Variants in EGFR observed in about 807,000 individuals in gnomAD.
EGFR encodes epidermal growth factor receptor.
Under a neutral mutation model 143.0 loss-of-function variants are expected in EGFR, and 58 were observed. The observed-to-expected ratio is 0.41, with a 90% confidence interval of 0.33 to 0.50. EGFR has a LOEUF of 0.50. Ranked by LOEUF, EGFR falls within the 20% of genes least tolerant of loss-of-function variation. The probability of loss-of-function intolerance (pLI) is 0.39; values close to 1 mark genes in which losing one functional copy is unlikely to be tolerated. For missense variants in EGFR, 1,307 were observed against 1,579.0 expected (o/e 0.83, Z 2.92); for synonymous variants, 613 against 594.4 (o/e 1.03, Z -0.45).
intron 20 of EGFR, among the ~76,000 whole-genome samples, chr7:55,186,171 A>G (rs567255807): frequency 2.6e-4 from 39 of 152,380 alleles, no homozygotes; most frequent in African/African-American, 9.4e-4. Context: ...GTCATAGCAC[A>G]CAAGCAGGAC....
In EGFR at chr7:55,144,572, C is replaced by A. The variant is rs1381778799; in HGVS notation, c.424+1084C>A. On this transcript the variant is annotated intron_variant, in intron 3 of 27. Transcript: ENST00000275493. The stretch of plus-strand genomic sequence containing the variant: ...CCAACAGGGGTGCAGCGCTGGAACC[C>A]AAGCCAGCACCTCTGGTCATGGCTC... Among the ~76,000 whole-genome samples the A allele has an allele frequency of 3.9e-5, 6 of 152,314 alleles. No homozygotes were observed. In the South Asian group the frequency reaches 1.2e-3, roughly 32 times the overall value.
intron 15 of EGFR, chr7:55,170,252 C>G: frequency 5.6e-6 from 9 of 1,613,370 alleles, no homozygotes; most frequent in South Asian, 4.4e-5. Context: ...TAGTGTTACA[C>G]CAGGGCTCCC....
chr7:55,095,701 A>G (rs1234065662), intron 1 of EGFR, among the ~76,000 whole-genome samples: 2 of 142,054 alleles, frequency 1.4e-5, no homozygotes, highest in African/African-American at 5.3e-5. Flanking sequence ...ACACGCACAC[A>G]GCACACAGAG....
chr7:55,068,254 C>G (rs1183481928), intron 1 of EGFR, among the ~76,000 whole-genome samples: 1 of 152,208 alleles, frequency 6.6e-6, no homozygotes, highest in Non-Finnish European at 1.5e-5. Context: ...TCAATCCTCA[C>G]CATCCTTCTA....
At chr7:55,162,933 G>A (rs957046294) in intron 13 of EGFR, among the ~76,000 whole-genome samples, 23 of 152,212 alleles carry the variant, frequency 1.5e-4, no homozygotes, top group Admixed American at 4.6e-4. Context: ...TGGAATTACA[G>A]GTGTGCACCA....
intron 1 of EGFR, among the ~76,000 whole-genome samples, chr7:55,090,352 G>C (rs1311362172): frequency 1.3e-5 from 2 of 152,114 alleles, no homozygotes; most frequent in Non-Finnish European, 2.9e-5. Flanking sequence ...TGATGAAAAA[G>C]CTGGCAGTAC....
Position 55,105,700 on chromosome 7 carries a change from C to T in EGFR, c.89-36586C>T, listed in dbSNP as rs933703335. ...GTTTGACAACATCCAGGGTGAATCA[C>T]AAAACATCAGTCTAATCAGGGCTTA... On this transcript the variant is annotated intron_variant, in intron 1 of 27. Transcript: ENST00000275493. 5.9e-5 allele frequency among the ~76,000 whole-genome samples: 9 copies of T among 152,246 alleles called. No homozygotes were observed. In the South Asian group the frequency reaches 1.0e-3, roughly 18 times the overall value.
At chr7:55,156,947 G>T in intron 10 of EGFR, 115 bp downstream of exon 10, 2 of 1,558,220 alleles carry the variant, frequency 1.3e-6, no homozygotes, top group Non-Finnish European at 1.7e-6. Flanking sequence ...AAATTTTACC[G>T]TTAATGGCTG....
rs372138408 is a variant in EGFR at position 55,158,439 on chromosome 7, A to G, written c.1298+686A>G. Among the ~76,000 whole-genome samples the G allele has an allele frequency of 4.6e-5, 7 of 152,314 alleles. No homozygotes were observed. The South Asian group carries it at 1.5e-3, about 32-fold the overall frequency. On this transcript the variant is annotated intron_variant, in intron 11 of 27. Coordinates refer to ENST00000275493, the MANE Select transcript of EGFR (RefSeq NM_005228.5). ...ATAATACTGTGCAACATTAAAGAGA[A>G]TAAGAGTGCGTGAAATATGCATTGC...
At chr7:55,030,620 T>C (rs932671500) in intron 1 of EGFR, among the ~76,000 whole-genome samples, 5 of 152,234 alleles carry the variant, frequency 3.3e-5, no homozygotes, top group African/African-American at 4.8e-5. Context: ...CAGTTAGCAA[T>C]GCCTATGGCA....
chr7:55,090,672 C>G lies in EGFR; in HGVS notation c.89-51614C>G, dbSNP rs150596129. 1.2e-4 allele frequency among the ~76,000 whole-genome samples: 19 copies of G among 152,248 alleles called. No individual in the cohort carries two copies. In the East Asian group the frequency reaches 3.7e-3, roughly 29 times the overall value. On this transcript the variant is annotated intron_variant, in intron 1 of 27. Transcript: ENST00000275493. ...TGAAAATCAGAGCTCAGACATACAGCCTGAGATGCCAAAAAATGGCCAGGC... is the reference window on the plus strand; with the variant it reads ...TGAAAATCAGAGCTCAGACATACAGGCTGAGATGCCAAAAAATGGCCAGGC...
intron 1 of EGFR, among the ~76,000 whole-genome samples, chr7:55,026,235 A>G (rs1311825112): frequency 6.6e-6 from 1 of 152,134 alleles, no homozygotes; most frequent in Non-Finnish European, 1.5e-5. Flanking sequence ...CCCATTTCTT[A>G]CTCATCTCAT....
At position 55,087,279 on chromosome 7, in the gene EGFR, AAAAAC is replaced by A. The variant is rs921976859; in HGVS notation, c.89-55002_89-54998del. 3.3e-4 allele frequency among the ~76,000 whole-genome samples: 45 copies of A among 138,436 alleles called. 2 individuals carry two copies. Among genetic ancestry groups the A allele is most frequent in the African/African-American group, 1.2e-3 (41 of 35,388 alleles). 90.8% of individuals were successfully genotyped at this position (138,436 alleles called of 152,430 possible). On this transcript the variant is annotated intron_variant, in intron 1 of 27. Coordinates refer to ENST00000275493, the MANE Select transcript of EGFR (RefSeq NM_005228.5). ...TAAGTAGTTTCTCAATTGTTAAAAA[AAAAAC>A]AAAAAAAAAAAAACCTGTACTCTGA...
chr7:55,173,857 G>A (rs1786468438), intron 17 of EGFR, 64 bp from the exon 18 acceptor site: 3 of 1,613,630 alleles, frequency 1.9e-6, no homozygotes, highest in Non-Finnish European at 1.7e-6. Flanking sequence ...GCCATGTCTG[G>A]CACTGCTTTC....
intron 13 of EGFR, among the ~76,000 whole-genome samples, 165 bp downstream of exon 13, chr7:55,161,796 T>C (rs1785719521): frequency 6.6e-6 from 1 of 152,246 alleles, no homozygotes; most frequent in African/African-American, 2.4e-5. Flanking sequence ...GTTGTTTGAT[T>C]GCGTTATTTT....
chr7:55,157,375 G>A (rs1785476967), intron 10 of EGFR, among the ~76,000 whole-genome samples: 1 of 152,234 alleles, frequency 6.6e-6, no homozygotes, highest in African/African-American at 2.4e-5. Flanking sequence ...GCCTCTTCGG[G>A]GTAATCAGAT....
chr7:55,067,862 C>CTG (rs1039423087), intron 1 of EGFR, among the ~76,000 whole-genome samples: 1 of 149,982 alleles, frequency 6.7e-6, no homozygotes, highest in Non-Finnish European at 1.5e-5. Context: ...CTGTGTGTGT[C>CTG]TGTGTGTCTC....
intron 1 of EGFR, among the ~76,000 whole-genome samples, chr7:55,124,334 C>A (rs996346007): frequency 3.3e-5 from 5 of 152,110 alleles, no homozygotes; most frequent in African/African-American, 1.2e-4. Context: ...ATAAAATTGA[C>A]TAAATTATTC....
intron 22 of EGFR, among the ~76,000 whole-genome samples, 187 bp from the exon 23 acceptor site, chr7:55,198,530 A>G (rs1255798313): frequency 6.6e-6 from 1 of 152,236 alleles, no homozygotes; most frequent in Non-Finnish European, 1.5e-5. Context: ...TGAAACAGAT[A>G]CTGCTATTAC....
Sources: gnomAD v4.1 joint callset for allele counts (sites outside exome capture counted in the v4.1 genomes callset) on GRCh38, gnomAD v4.1.1 for gene constraint, MANE v1.5 for transcripts, NCBI Gene and HGNC (gene_info 2026-07-23, HGNC 2026-07-21) for gene names.